Variants in MEI4 observed in about 807,000 individuals in gnomAD.
The protein encoded by MEI4 is meiosis-specific protein MEI4.
Under a neutral mutation model 31.4 loss-of-function variants are expected in MEI4, and 27 were observed. The ratio of observed to expected loss-of-function variants is 0.86; its 90% CI spans 0.63 to 1.19. MEI4 has a LOEUF of 1.19. Among genes scored for constraint, MEI4 ranks in the 50% most tolerant of loss-of-function variants. The pLI, the probability that MEI4 is intolerant of heterozygous loss-of-function variation, is 0.00. For synonymous variants in MEI4, 122 were observed against 145.4 expected (o/e 0.84, Z 1.16); for missense variants, 329 against 398.9 (o/e 0.82, Z 1.49).
At chr6:77,679,289 G>T (rs757883747) in intron 1 of MEI4, among the ~76,000 whole-genome samples, 4 of 152,134 alleles carry the variant, frequency 2.6e-5, no homozygotes, top group Non-Finnish European at 4.4e-5. Context: ...AGACATGTAA[G>T]AACAATTCAT....
intron 4 of MEI4, among the ~76,000 whole-genome samples, chr6:77,868,506 T>TATATATATA (rs1425865673): frequency 5.0e-5 from 6 of 119,508 alleles, no homozygotes; most frequent in African/African-American, 2.1e-4. Flanking sequence ...ATACTACATA[T>TATATATATA]ATATATATAT....
intron 4 of MEI4, among the ~76,000 whole-genome samples, chr6:77,879,451 G>T (rs1311647243): frequency 6.6e-6 from 1 of 152,010 alleles, no homozygotes; most frequent in Non-Finnish European, 1.5e-5. Flanking sequence ...TTAATTATAA[G>T]TGGCTTATTC....
chr6:77,748,426 A>G (rs948233286), intron 2 of MEI4, among the ~76,000 whole-genome samples: 4 of 152,222 alleles, frequency 2.6e-5, no homozygotes, highest in Non-Finnish European at 5.9e-5. Context: ...CAATAGCCCA[A>G]GCTTTACTGT....
At chr6:77,883,751 T>TATATATATATATAA in intron 4 of MEI4, among the ~76,000 whole-genome samples, 2 of 145,966 alleles carry the variant, frequency 1.4e-5, no homozygotes, top group Admixed American at 6.9e-5. Flanking sequence ...TATAACTTTG[T>TATATATATATATAA]CTTTGTCTAT....
At chr6:77,708,182 A>C (rs1481082947) in intron 2 of MEI4, among the ~76,000 whole-genome samples, 1 of 152,192 alleles carries the variant, frequency 6.6e-6, no homozygotes, top group Non-Finnish European at 1.5e-5. Flanking sequence ...AACCAGTGAG[A>C]GCAGTCACAG....
chr6:77,731,336 G>C (rs1420921329), intron 2 of MEI4, among the ~76,000 whole-genome samples: 1 of 150,130 alleles, frequency 6.7e-6, no homozygotes, highest in African/African-American at 2.5e-5. Context: ...GGTGTGAGAT[G>C]GTATCTCATT....
intron 1 of MEI4, among the ~76,000 whole-genome samples, chr6:77,665,284 GC>G (rs140791278): frequency 0.043 from 6,457 of 151,886 alleles, 472 homozygotes; most frequent in African/African-American, 0.15. Context: ...GGGGGTTCTT[GC>G]CCCCTAGAAA....
At chr6:77,782,088 A>G (rs1284804137) in intron 3 of MEI4, among the ~76,000 whole-genome samples, 2 of 152,136 alleles carry the variant, frequency 1.3e-5, no homozygotes, top group Non-Finnish European at 2.9e-5. Context: ...GAGAAGTCAC[A>G]GGTCACTGGG....
chr6:77,797,339 C>G (rs1582155046), intron 3 of MEI4, among the ~76,000 whole-genome samples: 1 of 152,144 alleles, frequency 6.6e-6, no homozygotes, highest in Non-Finnish European at 1.5e-5. Flanking sequence ...ACAAGTGGGA[C>G]TGCATCAACC....
intron 2 of MEI4, among the ~76,000 whole-genome samples, chr6:77,730,096 G>A (rs968963484): frequency 3.3e-5 from 5 of 152,110 alleles, no homozygotes; most frequent in Admixed American, 6.6e-5. Flanking sequence ...CTTGTTCAAG[G>A]AGAGAGAGAA....
At chr6:77,880,973 T>A (rs1771475846) in intron 4 of MEI4, among the ~76,000 whole-genome samples, 1 of 152,116 alleles carries the variant, frequency 6.6e-6, no homozygotes, top group South Asian at 2.1e-4. Flanking sequence ...CCTGCAATAA[T>A]GATTAGTGTA....
intron 4 of MEI4, among the ~76,000 whole-genome samples, chr6:77,870,196 A>G (rs539404206): frequency 7.9e-5 from 12 of 152,306 alleles, no homozygotes; most frequent in Middle Eastern, 3.4e-3. Context: ...ATCTTTTCCC[A>G]GGCTAGTGCT....
At chr6:77,922,513 G>GTGACT (rs776087364) in intron 4 of MEI4, among the ~76,000 whole-genome samples, 5 of 151,680 alleles carry the variant, frequency 3.3e-5, no homozygotes, top group South Asian at 4.2e-4. Flanking sequence ...AGGCCTTTCT[G>GTGACT]TGACTTGACT....
At chr6:77,713,975 A>AATATGT (rs1394817815) in intron 2 of MEI4, among the ~76,000 whole-genome samples, 1 of 152,128 alleles carries the variant, frequency 6.6e-6, no homozygotes, top group Non-Finnish European at 1.5e-5. Context: ...TATAAGTAAG[A>AATATGT]ATATGTGGTA....
At chr6:77,881,013 G>A (rs1771476725) in intron 4 of MEI4, among the ~76,000 whole-genome samples, 1 of 151,202 alleles carries the variant, frequency 6.6e-6, no homozygotes, top group Non-Finnish European at 1.5e-5. Context: ...CTTTATTGAT[G>A]TCAGTAAACA....
chr6:77,727,327 A>G (rs1177947657), intron 2 of MEI4, among the ~76,000 whole-genome samples: 2 of 152,194 alleles, frequency 1.3e-5, no homozygotes, highest in Non-Finnish European at 2.9e-5. Context: ...AAACACTATC[A>G]TTTGTCCTCA....
chr6:77,675,914 A>G (rs190255165), intron 1 of MEI4, among the ~76,000 whole-genome samples: 1 of 152,300 alleles, frequency 6.6e-6, no homozygotes, highest in East Asian at 1.9e-4. Flanking sequence ...GGCTGTTCTC[A>G]TGGCCATTTC....
chr6:77,792,508 G>A (rs1204019842), intron 3 of MEI4, among the ~76,000 whole-genome samples: 1 of 152,112 alleles, frequency 6.6e-6, no homozygotes, highest in Non-Finnish European at 1.5e-5. Flanking sequence ...TCTAAAAGGT[G>A]TGAGGTGACA....
intron 4 of MEI4, among the ~76,000 whole-genome samples, chr6:77,870,337 G>C (rs770615043): frequency 1.3e-5 from 2 of 152,094 alleles, no homozygotes; most frequent in African/African-American, 2.4e-5. Context: ...CTAAACTGTA[G>C]GCTAATGTAA....
Sources: allele counts gnomAD v4.1 joint callset (sites outside exome capture counted in the v4.1 genomes callset), GRCh38; gene constraint gnomAD v4.1.1; transcripts MANE v1.5; gene names NCBI Gene and HGNC (gene_info 2026-07-23, HGNC 2026-07-21).